The following SPNS1 variants were observed in gnomAD, a reference collection of about 807,000 sequenced individuals.
SPNS1 encodes SPNS lysolipid transporter 1, lysophospholipid, also known as protein spinster homolog 1.
SPNS1 carries 22 observed loss-of-function variants against 50.3 expected under a neutral mutation model. That is an observed-to-expected ratio of 0.44 (90% CI 0.31 to 0.62). The LOEUF is 0.62. Among genes scored for constraint, SPNS1 ranks in the 20% least tolerant of loss-of-function variants. The probability of loss-of-function intolerance (pLI) is 0.07; values close to 1 mark genes in which losing one functional copy is unlikely to be tolerated. For synonymous variants in SPNS1, 295 were observed against 317.4 expected (o/e 0.93, Z 0.75); for missense variants, 576 against 728.6 (o/e 0.79, Z 2.41).
Position 28,981,390 on chromosome 16 carries a change from T to A in SPNS1, c.664-80T>A. On this transcript the variant is annotated intron_variant, in intron 5 of 11. Coordinates refer to ENST00000311008, the MANE Select transcript of SPNS1 (RefSeq NM_032038.3). The surrounding 1 kb of genome is among the most constrained non-coding windows in gnomAD (Gnocchi z 4.2). ...TATTTTAGGTCTCAGGCTGGAGTTA[T>A]CTGTACCCCACACTCTCCTCCAGCC... The A allele has an allele frequency of 6.4e-7, 1 of 1,570,060 alleles. No homozygotes were observed. Among genetic ancestry groups the A allele is most frequent in the Admixed American group, 1.7e-5 (1 of 58,300 alleles).
At position 28,981,312 on chromosome 16, in the gene SPNS1, C is replaced by T; in HGVS notation, c.664-158C>T. 1 of 922,408 alleles carries T rather than the reference C, an allele frequency of 1.1e-6. No homozygotes were observed. The highest frequency in any genetic ancestry group is 1.6e-6 in the Non-Finnish European group (1 of 630,004). The allele number at this position is 922,408 out of a possible 1,614,324, so 57.1% of individuals were successfully genotyped here. On this transcript the variant is annotated intron_variant, in intron 5 of 11. Coordinates refer to ENST00000311008, the MANE Select transcript of SPNS1 (RefSeq NM_032038.3). The surrounding 1 kb of genome is among the most constrained non-coding windows in gnomAD (Gnocchi z 4.2). ...AAAATAGGGTGGCCCCTAGTGGCAG[C>T]CCCCTTCCCCCAGATTGCAGGTTCG...
At chr16:28,977,312 TAAAA>T (rs11297402) in intron 2 of SPNS1, among the ~76,000 whole-genome samples, 15 of 125,686 alleles carry the variant, frequency 1.2e-4, no homozygotes, top group Admixed American at 2.5e-4. Flanking sequence ...AGACTTCGTT[TAAAA>T]AAAAAAAAAA....
chr16:28,984,391 G>GGGTCCCT lies in SPNS1; in HGVS notation c.*92_*93insGGTCCCT. 7.9e-7 allele frequency: 1 copy of GGGTCCCT among 1,269,478 alleles called. No individual in the cohort carries two copies. The highest frequency in any genetic ancestry group is 1.1e-6 in the Non-Finnish European group (1 of 897,124). The allele number at this position is 1,269,478 out of a possible 1,614,324, so 78.6% of individuals were successfully genotyped here. A position where few individuals can be genotyped will look rare whatever the true frequency, so the allele number is the denominator to read the frequency against. On this transcript the variant is annotated 3_prime_UTR_variant, in exon 12 of 12. Transcript: ENST00000311008. ...GGGCCTAACCCCTTGGCCTGGCCCA[G>GGGTCCCT]CTTCCAGAGGGACCCTGGGCCGTGT...
chr16:28,978,747 T>C (rs1188456147), intron 3 of SPNS1: 4 of 186,988 alleles, frequency 2.1e-5, no homozygotes, highest in Non-Finnish European at 4.5e-5. Flanking sequence ...CGTACTTTCC[T>C]TGGGTGACTG....
chr16:28,982,091 G>A (rs1567525918), intron 7 of SPNS1, 35 bp downstream of exon 7: 23 of 1,604,494 alleles, frequency 1.4e-5, no homozygotes, highest in Non-Finnish European at 1.9e-5. Flanking sequence ...GGGCCTGCGG[G>A]TGGCAGGGCT....
chr16:28,982,531 A>C lies in SPNS1; in HGVS notation c.1141A>C (p.Ile381Leu). The change falls in exon 8 of 12, where the codon ATC (isoleucine) becomes CTC (leucine). Residue 381 changes from isoleucine to leucine, a missense_variant. Coordinates refer to ENST00000311008, the MANE Select transcript of SPNS1 (RefSeq NM_032038.3). ...FLSLACARGS[I>L]VATYIFIFIG... ...GTCCCTTGCCTGCGCCCGTGGTAGCATCGTGGCCACTTATGTGAGTAGCCA... is the reference window on the plus strand; with the variant it reads ...GTCCCTTGCCTGCGCCCGTGGTAGCCTCGTGGCCACTTATGTGAGTAGCCA... The C allele has an allele frequency of 6.2e-7, 1 of 1,609,386 alleles. No homozygotes were observed. The highest frequency in any genetic ancestry group is 8.5e-7 in the Non-Finnish European group (1 of 1,177,648).
Position 28,975,487 on chromosome 16 carries a change from C to T in SPNS1, c.242-5C>T, listed in dbSNP as rs774606342. 1 of 1,614,258 alleles carries T rather than the reference C, an allele frequency of 6.2e-7. No individual in the cohort carries two copies. Among genetic ancestry groups the T allele is most frequent in the Non-Finnish European group, 8.5e-7 (1 of 1,180,046 alleles). ...TTGCCGGACCATCCTGAATTTTCTC[C>T]TCAGGCGTCCTTCCCGACATCGAGC... On this transcript the variant is annotated splice_region_variant and splice_polypyrimidine_tract_variant and intron_variant, in intron 1 of 11. Transcript: ENST00000311008.
In SPNS1 at chr16:28,983,197, G is replaced by C; in HGVS notation, c.1227G>C (p.Val409=). ...WAIVADILLY[V]VIPTRRSTAE... is the part of the protein sequence containing the mutation. The stretch of plus-strand genomic sequence containing the variant: ...CTCCACCAACTCCTCCACAGTACGT[G>C]GTGATCCCTACCCGACGCTCCACCG... Residue 409 remains valine (V), a synonymous_variant, in exon 10 of 12, where the codon GTG becomes GTC. Transcript: ENST00000311008. The surrounding 1 kb of genome is among the most constrained non-coding windows in gnomAD (Gnocchi z 5.4). 4 of 1,610,860 alleles carry C rather than the reference G, an allele frequency of 2.5e-6. No homozygotes were observed. The highest frequency in any genetic ancestry group is 3.4e-6 in the Non-Finnish European group (4 of 1,178,416).
rs745625186 is a variant in SPNS1 at position 28,981,937 on chromosome 16, T to C, written c.846T>C (p.Ala282=). ...SFVLSSLGFT[A]VAFVTGSLAL... is the part of the protein sequence containing the mutation. Reference sequence around the variant, plus strand: ...TCCTGTCTTCCCTGGGCTTCACTGCTGTGGCCTTTGTCACGGGCTCCCTGG... The same window carrying C: ...TCCTGTCTTCCCTGGGCTTCACTGCCGTGGCCTTTGTCACGGGCTCCCTGG... Residue 282 remains alanine (A), a synonymous_variant, in exon 7 of 12, where the codon GCT becomes GCC. Transcript: ENST00000311008. The surrounding 1 kb of genome is among the most constrained non-coding windows in gnomAD (Gnocchi z 4.2). The C allele has an allele frequency of 4.3e-6, 7 of 1,614,136 alleles. No individual in the cohort carries two copies. The highest frequency in any genetic ancestry group is 5.9e-6 in the Non-Finnish European group (7 of 1,180,038).
Position 28,983,398 on chromosome 16 carries a change from C to G in SPNS1, c.1320+108C>G. The G allele has an allele frequency of 2.3e-6, 2 of 862,322 alleles. No homozygotes were observed. The highest frequency in any genetic ancestry group is 3.8e-6 in the Non-Finnish European group (2 of 521,600). 53.4% of individuals were successfully genotyped at this position (862,322 alleles called of 1,614,324 possible). A position where few individuals can be genotyped will look rare whatever the true frequency, so the allele number is the denominator to read the frequency against. ...TCTGTGTCCTGCGTGCTGGGCACTT[C>G]TCACCTTCCATTGTCAACTGGAGGA... is the stretch of plus-strand genomic sequence containing the variant. On this transcript the variant is annotated intron_variant, in intron 10 of 11. Coordinates refer to ENST00000311008, the MANE Select transcript of SPNS1 (RefSeq NM_032038.3). This position sits in a 1 kb window ranked among gnomAD's most constrained non-coding sequence, Gnocchi z 5.4.
rs1596747744 is a variant in SPNS1, at chr16:28,979,141, G to A, written c.445-14G>A. ...CAGGCTGGGGTGCCACCTCTCCCCG[G>A]TCTCTCTCCCCAGCATTTCTGGCTG... is the stretch of plus-strand genomic sequence containing the variant. On this transcript the variant is annotated splice_polypyrimidine_tract_variant and intron_variant, in intron 3 of 11. Transcript: ENST00000311008. The A allele has an allele frequency of 1.9e-6, 3 of 1,611,206 alleles. No individual in the cohort carries two copies. The highest frequency in any genetic ancestry group is 2.5e-6 in the Non-Finnish European group (3 of 1,178,778).
In SPNS1 at chr16:28,983,319, G is replaced by A; in HGVS notation, c.1320+29G>A. On this transcript the variant is annotated intron_variant, in intron 10 of 11. Transcript: ENST00000311008. This position sits in a 1 kb window ranked among gnomAD's most constrained non-coding sequence, Gnocchi z 5.4. ...AGCATTATTTCTTGGCTGGCATGGG[G>A]TGGCTGGTGTCCTGAGCCTGGGCTG... The A allele has an allele frequency of 6.3e-7, 1 of 1,578,954 alleles. No individual in the cohort carries two copies. Among genetic ancestry groups the A allele is most frequent in the East Asian group, 2.2e-5 (1 of 44,698 alleles).
Position 28,983,998 on chromosome 16 carries a change from C to G in SPNS1, c.1492+41C>G, listed in dbSNP as rs780068029. On this transcript the variant is annotated intron_variant, in intron 11 of 11. Coordinates refer to ENST00000311008, the MANE Select transcript of SPNS1 (RefSeq NM_032038.3). This position sits in a 1 kb window ranked among gnomAD's most constrained non-coding sequence, Gnocchi z 5.4. ...TGCCCGGCCCAGCTTCTTGATCTGC[C>G]TGTCTGTCTGTCCATCTGTCTGCCC... 2 of 1,521,580 alleles carry G rather than the reference C, an allele frequency of 1.3e-6. No individual in the cohort carries two copies. Among genetic ancestry groups the G allele is most frequent in the Admixed American group, 2.0e-5 (1 of 48,900 alleles). 94.3% of individuals were successfully genotyped at this position (1,521,580 alleles called of 1,614,324 possible). A position where few individuals can be genotyped will look rare whatever the true frequency, so the allele number is the denominator to read the frequency against.
At position 28,979,442 on chromosome 16, in the gene SPNS1, A is replaced by G; in HGVS notation, c.634A>G (p.Met212Val). 3 of 1,614,066 alleles carry G rather than the reference A, an allele frequency of 1.9e-6. No individual in the cohort carries two copies. The highest frequency in any genetic ancestry group is 1.3e-5 in the African/African-American group (1 of 75,018). Residue 212 changes from methionine (M) to valine (V), a missense_variant, in exon 5 of 12, where the codon ATG becomes GTG. Met to Val is a conservative substitution (Grantham distance 21, BLOSUM62 1). Transcript: ENST00000311008. ...CATTGCAGGCTCCAAAGTGAAGGAT[A>G]TGGCTGGAGACTGGCACTGGGCTCT... The part of the protein sequence containing the change: ...GYIAGSKVKD[M>V]AGDWHWALRV...
Position 28,983,029 on chromosome 16 carries a change from G to C in SPNS1, c.1221+107G>C. The C allele has an allele frequency of 7.4e-7, 1 of 1,349,752 alleles. No individual in the cohort carries two copies. Among genetic ancestry groups the C allele is most frequent in the Non-Finnish European group, 1.1e-6 (1 of 950,012 alleles). 83.6% of individuals were successfully genotyped at this position (1,349,752 alleles called of 1,614,324 possible). On this transcript the variant is annotated intron_variant, in intron 9 of 11. Transcript: ENST00000311008. The surrounding 1 kb of genome is among the most constrained non-coding windows in gnomAD (Gnocchi z 5.4). ...AAAGCCCAGCCTCAACCTACCTTCT[G>C]CAATAAATAACATCTGTAGCAGACC...
rs1965284433 is a variant in SPNS1, at chr16:28,975,041, G to A, written c.-111G>A. The stretch of plus-strand genomic sequence containing the variant: ...TTCAGGGCAAGCTCCCCGTCTCCGG[G>A]CGCACTTCCCTCGCCTGTGTTCGGT... On this transcript the variant is annotated 5_prime_UTR_variant, in exon 1 of 12. Coordinates refer to ENST00000311008, the MANE Select transcript of SPNS1 (RefSeq NM_032038.3). 10 of 1,431,794 alleles carry A rather than the reference G, an allele frequency of 7.0e-6. No homozygotes were observed. The highest frequency in any genetic ancestry group is 9.1e-6 in the Non-Finnish European group (10 of 1,096,124). 88.7% of individuals were successfully genotyped at this position (1,431,794 alleles called of 1,614,324 possible).
At chr16:28,978,679 A>G (rs947809116) in intron 3 of SPNS1, 2 of 161,690 alleles carry the variant, frequency 1.2e-5, no homozygotes, top group African/African-American at 4.8e-5. Flanking sequence ...GTTCCTTTGA[A>G]GCCTCCTCTG....
intron 2 of SPNS1, 141 bp downstream of exon 2, chr16:28,975,698 G>A: frequency 9.8e-6 from 8 of 818,464 alleles, no homozygotes; most frequent in East Asian, 5.3e-5. Flanking sequence ...GATGTTGCTC[G>A]GGGGTCAGCG....
At chr16:28,982,233 G>T in intron 7 of SPNS1, 123 bp from the exon 8 acceptor site, 1 of 1,364,450 alleles carries the variant, frequency 7.3e-7, no homozygotes, top group African/African-American at 1.4e-5. Flanking sequence ...GCCACTCAGG[G>T]CTGTGCCAAC....
Sources: allele counts gnomAD v4.1 joint callset (sites outside exome capture counted in the v4.1 genomes callset), GRCh38; gene constraint gnomAD v4.1.1; non-coding constraint Gnocchi (gnomAD v3.1); transcripts MANE v1.5; gene names NCBI Gene and HGNC (gene_info 2026-07-23, HGNC 2026-07-21).